Variants in ARID1B observed in about 807,000 individuals in gnomAD.
ARID1B encodes AT-rich interaction domain 1B, also known as AT-rich interactive domain-containing protein 1B.
In ARID1B, 30 loss-of-function variants were observed where a neutral mutation model predicts 212.3. That is an observed-to-expected ratio of 0.14 (90% confidence interval 0.11 to 0.19). The LOEUF (loss-of-function observed/expected upper bound fraction) is 0.19, where lower values mean the gene tolerates loss of function less well. Among genes scored for constraint, ARID1B ranks in the 10% least tolerant of loss-of-function variants. ARID1B has a pLI of 1.00. For synonymous variants in ARID1B, 1,402 were observed against 1,301.7 expected (o/e 1.08, Z -1.66); for missense variants, 2,891 against 3,204.0 (o/e 0.90, Z 2.36).
intron 11 of ARID1B, among the ~76,000 whole-genome samples, chr6:157,176,824 C>T (rs990024735): frequency 2.0e-5 from 3 of 151,940 alleles, no homozygotes; most frequent in East Asian, 1.9e-4. Context: ...CCAGCCTGGG[C>T]GACAGAGTGA....
chr6:157,153,996 G>A (rs930335485), intron 8 of ARID1B, among the ~76,000 whole-genome samples: 2 of 152,190 alleles, frequency 1.3e-5, no homozygotes, highest in African/African-American at 4.8e-5. Flanking sequence ...GCGTGCAGAT[G>A]TGCACAGGTA....
rs117571388 is a variant in ARID1B at position 157,032,974 on chromosome 6, A to C, written c.2248-51688A>C. ...GAAGCATAGTCTTCTATGTTCGACT[A>C]TACAGTAATTTACTGTAAACTCCCT... On this transcript the variant is annotated intron_variant, in intron 4 of 19. Coordinates refer to ENST00000636930, the MANE Select transcript of ARID1B (RefSeq NM_001374828.1). 2.6e-4 allele frequency among the ~76,000 whole-genome samples: 40 copies of C among 152,350 alleles called. No individual in the cohort carries two copies. The East Asian group carries it at 7.7e-3, about 29-fold the overall frequency.
At chr6:156,800,370 T>G (rs1378508001) in intron 1 of ARID1B, among the ~76,000 whole-genome samples, 2 of 151,946 alleles carry the variant, frequency 1.3e-5, no homozygotes, top group African/African-American at 4.8e-5. Flanking sequence ...GGGTGGATCA[T>G]CTAAGGTCAG....
intron 2 of ARID1B, among the ~76,000 whole-genome samples, chr6:156,847,291 CAACTGGAGCGTCTCTG>C (rs1274510877): frequency 4.1e-4 from 62 of 152,318 alleles, no homozygotes; most frequent in Non-Finnish European, 7.5e-4. Context: ...TTAAACAGCA[CAACTGGAGCGTCTCTG>C]GCAGGGAACC....
intron 5 of ARID1B, among the ~76,000 whole-genome samples, chr6:157,098,755 T>C (rs1785841102): frequency 6.6e-6 from 1 of 152,160 alleles, no homozygotes; most frequent in Non-Finnish European, 1.5e-5. Flanking sequence ...TTTATTCACC[T>C]CCCCAGAGTC....
Position 157,207,686 on chromosome 6 carries a change from T to C in ARID1B, c.6914T>C (p.Met2305Thr), listed in dbSNP as rs1794572062. The change falls in exon 20 of 20, where the codon ATG (methionine) becomes ACG (threonine). Residue 2305 changes from methionine (M) to threonine (T), a missense_variant. Met to Thr is a moderately conservative substitution (Grantham distance 81, BLOSUM62 -1). Transcript: ENST00000636930. The surrounding 1 kb of genome is among the most constrained non-coding windows in gnomAD (Gnocchi z 8.5). ...CAGAGCCAGCACAACCTCATGCACA[T>C]GCAGCCCCCGCCCCTGGAACCACCT... ...YQQSQHNLMH[M>T]QPPPLEPPSV... is the part of the protein sequence containing the mutation. 1 of 1,610,044 alleles carries C rather than the reference T, an allele frequency of 6.2e-7. No individual in the cohort carries two copies. The highest frequency in any genetic ancestry group is 1.3e-5 in the African/African-American group (1 of 74,848).
intron 16 of ARID1B, chr6:157,198,401 T>G (rs1793878198): frequency 6.1e-6 from 1 of 165,264 alleles, no homozygotes; most frequent in Non-Finnish European, 1.3e-5. Context: ...CTTTGAGTCT[T>G]AAGTTCTTCT....
At position 157,200,983 on chromosome 6, in the gene ARID1B, T is replaced by C. The variant is rs549950885; in HGVS notation, c.4758T>C (p.Asn1586=). ...QSSSSEGPQQ[N]MWAARNDMPY... ...CCTCCAGTGAGGGGCCTCAGCAGAA[T>C]ATGTGGGCAGCACGCAATGATATGC... Residue 1586 remains asparagine (N), a synonymous_variant, in exon 18 of 20, where the codon AAT becomes AAC. Coordinates refer to ENST00000636930, the MANE Select transcript of ARID1B (RefSeq NM_001374828.1). This position sits in a 1 kb window ranked among gnomAD's most constrained non-coding sequence, Gnocchi z 4.3. 9 of 1,614,144 alleles carry C rather than the reference T, an allele frequency of 5.6e-6. No homozygotes were observed. In the South Asian group the frequency reaches 9.9e-5, roughly 18 times the overall value.
chr6:157,093,146 A>G (rs972491148), intron 5 of ARID1B, among the ~76,000 whole-genome samples: 1 of 152,228 alleles, frequency 6.6e-6, no homozygotes, highest in Admixed American at 6.5e-5. Flanking sequence ...ATTTTAGCCT[A>G]GAAGTAAAAA....
At chr6:156,922,726 G>T (rs1790908262) in intron 3 of ARID1B, among the ~76,000 whole-genome samples, 1 of 151,862 alleles carries the variant, frequency 6.6e-6, no homozygotes, top group Non-Finnish European at 1.5e-5. Flanking sequence ...AATCTTTCTG[G>T]AGTCTTTGAG....
At chr6:156,877,413 G>A (rs866722750) in intron 2 of ARID1B, among the ~76,000 whole-genome samples, 3 of 152,206 alleles carry the variant, frequency 2.0e-5, no homozygotes, top group South Asian at 2.1e-4. Flanking sequence ...CTGTGGACCC[G>A]CACTCCTTCC....
At chr6:156,805,282 A>G (rs1444797437) in intron 1 of ARID1B, among the ~76,000 whole-genome samples, 2 of 152,164 alleles carry the variant, frequency 1.3e-5, no homozygotes, top group African/African-American at 4.8e-5. Context: ...GCTGTGCTGG[A>G]TGTGTAGTGA....
At chr6:156,905,552 C>G (rs1789308241) in intron 3 of ARID1B, among the ~76,000 whole-genome samples, 1 of 152,196 alleles carries the variant, frequency 6.6e-6, no homozygotes, top group Non-Finnish European at 1.5e-5. Context: ...CTTCCAAGAT[C>G]ACATGTAAAA....
intron 6 of ARID1B, among the ~76,000 whole-genome samples, chr6:157,128,368 A>G (rs566245209): frequency 6.6e-6 from 1 of 152,142 alleles, no homozygotes; most frequent in East Asian, 1.9e-4. Flanking sequence ...TTTCTTCATG[A>G]TGCTTATTAC....
chr6:156,805,423 C>T (rs534210227), intron 1 of ARID1B, among the ~76,000 whole-genome samples: 4 of 152,212 alleles, frequency 2.6e-5, no homozygotes, highest in South Asian at 2.1e-4. Context: ...TAAATGAGGT[C>T]GCATGTTTAA....
chr6:157,065,278 G>A (rs368389977), intron 4 of ARID1B, among the ~76,000 whole-genome samples: 8 of 152,264 alleles, frequency 5.3e-5, no homozygotes, highest in East Asian at 3.8e-4. Flanking sequence ...AGATAGTAAG[G>A]TAAAATTGCC....
chr6:156,988,970 T>C (rs138289163), intron 4 of ARID1B, among the ~76,000 whole-genome samples: 13 of 152,332 alleles, frequency 8.5e-5, no homozygotes, highest in Non-Finnish European at 1.6e-4. Context: ...ATTCTGCTCC[T>C]GTAGCTTGGA....
chr6:157,180,930 A>AC (rs1562328286), intron 11 of ARID1B, 39 bp from the exon 12 acceptor site: 1 of 1,577,066 alleles, frequency 6.3e-7, no homozygotes, highest in South Asian at 1.1e-5. Context: ...CCCTCTGCCC[A>AC]CCCATGCCCC....
At chr6:156,999,102 C>T (rs553073788) in intron 4 of ARID1B, among the ~76,000 whole-genome samples, 20 of 152,286 alleles carry the variant, frequency 1.3e-4, no homozygotes, top group Non-Finnish European at 2.2e-4. Flanking sequence ...GTGGCTGTGG[C>T]GGTGCTGCAG....
Sources: allele counts gnomAD v4.1 joint callset (sites outside exome capture counted in the v4.1 genomes callset), GRCh38; gene constraint gnomAD v4.1.1; non-coding constraint Gnocchi (gnomAD v3.1); transcripts MANE v1.5; gene names NCBI Gene and HGNC (gene_info 2026-07-23, HGNC 2026-07-21).